CTDSPL2: variants seen among roughly 807,000 people sequenced by gnomAD.
CTDSPL2 encodes CTD small phosphatase like 2, also known as CTD small phosphatase-like protein 2.
Under a neutral mutation model 60.0 loss-of-function variants are expected in CTDSPL2, and 5 were observed. That is an observed-to-expected ratio of 0.08 (90% CI 0.04 to 0.18). The LOEUF (loss-of-function observed/expected upper bound fraction) is 0.18, where lower values mean the gene tolerates loss of function less well. CTDSPL2 is among the 10% of genes least tolerant of loss of function. The pLI is 1.00. For missense variants in CTDSPL2, 370 were observed against 548.8 expected (o/e 0.67, Z 3.26); for synonymous variants, 186 against 189.3 (o/e 0.98, Z 0.14).
At chr15:44,484,908 G>A (rs78744917) in intron 3 of CTDSPL2, among the ~76,000 whole-genome samples, 4,063 of 152,090 alleles carry the variant, frequency 0.027, 93 homozygotes, top group East Asian at 0.098. Context: ...AAATGTATGT[G>A]GATCAACATT....
chr15:44,457,678 C>G (rs554198039), intron 1 of CTDSPL2, among the ~76,000 whole-genome samples: 2 of 152,230 alleles, frequency 1.3e-5, no homozygotes, highest in South Asian at 2.1e-4. Context: ...ATAGTGTGAT[C>G]TCTCCTCAAT....
intron 2 of CTDSPL2, among the ~76,000 whole-genome samples, chr15:44,482,004 C>T (rs2453274): frequency 0.055 from 8,451 of 152,284 alleles, 401 homozygotes; most frequent in Non-Finnish European, 0.079. Context: ...TAACAGCAGC[C>T]CTGCTGGCTT....
chr15:44,444,564 T>A (rs1301068966), intron 1 of CTDSPL2, among the ~76,000 whole-genome samples: 1 of 151,890 alleles, frequency 6.6e-6, no homozygotes, highest in Non-Finnish European at 1.5e-5. Flanking sequence ...CAGGCTGGTC[T>A]TGAACTCCTG....
chr15:44,507,275 G>A (rs1054965281), intron 8 of CTDSPL2, among the ~76,000 whole-genome samples: 6 of 150,536 alleles, frequency 4.0e-5, no homozygotes, highest in Admixed American at 1.3e-4. Context: ...AGTAGAGATG[G>A]GGTTTCACCA....
At chr15:44,452,017 G>A (rs1327266162) in intron 1 of CTDSPL2, among the ~76,000 whole-genome samples, 1 of 152,110 alleles carries the variant, frequency 6.6e-6, no homozygotes, top group Admixed American at 6.6e-5. Flanking sequence ...AATCAGAAAT[G>A]TAGACTGAAA....
chr15:44,470,278 G>A (rs949285183), intron 2 of CTDSPL2, among the ~76,000 whole-genome samples: 8 of 151,346 alleles, frequency 5.3e-5, no homozygotes, highest in African/African-American at 9.8e-5. Flanking sequence ...ATTTATAAGC[G>A]TATGACTTGT....
At position 44,490,978 on chromosome 15, in the gene CTDSPL2, C is replaced by A. The variant is rs751260874; in HGVS notation, c.670C>A (p.Arg224Ser). ...AGAAGAAGCAGAAGAAACAGTTAAT[C>A]GTGATATCCCACCCCTTACAGGTGA... Reference protein sequence around the residue: ...GLEEAEETVNRDIPPLTAPVT... With the variant: ...GLEEAEETVNSDIPPLTAPVT... The change falls in exon 5 of 13, where the codon CGT becomes AGT. Residue 224 changes from arginine to serine, a missense_variant. Physicochemically the swap from Arg to Ser is moderately radical, Grantham distance 110. This residue lies in a region of CTDSPL2 where 287 missense variants were observed against 296.1 expected (regional missense o/e 0.97). Coordinates refer to ENST00000260327, the MANE Select transcript of CTDSPL2 (RefSeq NM_016396.3). 2.5e-6 allele frequency: 4 copies of A among 1,613,790 alleles called. No individual in the cohort carries two copies. The highest frequency in any genetic ancestry group is 3.4e-6 in the Non-Finnish European group (4 of 1,179,886).
At chr15:44,488,043 G>A (rs1204396066) in intron 4 of CTDSPL2, among the ~76,000 whole-genome samples, 1 of 151,506 alleles carries the variant, frequency 6.6e-6, no homozygotes, top group Admixed American at 6.6e-5. Context: ...CCAGGAGGCG[G>A]AGGCTGCAGT....
At chr15:44,468,441 T>G (rs2062310439) in intron 2 of CTDSPL2, among the ~76,000 whole-genome samples, 1 of 152,196 alleles carries the variant, frequency 6.6e-6, no homozygotes, top group African/African-American at 2.4e-5. Flanking sequence ...GGTTTATCAA[T>G]TTCATTATTC....
chr15:44,491,434 A>G (rs1176778916), intron 5 of CTDSPL2, among the ~76,000 whole-genome samples: 1 of 152,180 alleles, frequency 6.6e-6, no homozygotes, highest in Non-Finnish European at 1.5e-5. Context: ...ATCTCCCTAT[A>G]TACCTAAGTT....
At chr15:44,431,711 TGTTTG>T (rs1238580360) in intron 1 of CTDSPL2, among the ~76,000 whole-genome samples, 51 of 147,060 alleles carry the variant, frequency 3.5e-4, no homozygotes, top group Non-Finnish European at 1.3e-4. Flanking sequence ...TTTGTTTGTT[TGTTTG>T]TTTTTTTTTT....
At chr15:44,464,184 C>A (rs1238611857) in intron 2 of CTDSPL2, among the ~76,000 whole-genome samples, 1 of 152,138 alleles carries the variant, frequency 6.6e-6, no homozygotes, top group African/African-American at 2.4e-5. Flanking sequence ...ACAGCTCTTA[C>A]TTATGGTTAG....
chr15:44,445,322 G>A (rs1211516514), intron 1 of CTDSPL2, among the ~76,000 whole-genome samples: 1 of 151,850 alleles, frequency 6.6e-6, no homozygotes, highest in African/African-American at 2.4e-5. Flanking sequence ...CAAGTAGTTG[G>A]GACTATAGGC....
intron 2 of CTDSPL2, among the ~76,000 whole-genome samples, chr15:44,475,396 T>A (rs1405702136): frequency 6.6e-6 from 1 of 152,174 alleles, no homozygotes; most frequent in Non-Finnish European, 1.5e-5. Flanking sequence ...CCCAGCACTC[T>A]GGGAGGCCGA....
intron 3 of CTDSPL2, among the ~76,000 whole-genome samples, chr15:44,486,039 C>T (rs1441401584): frequency 3.3e-5 from 5 of 152,170 alleles, no homozygotes; most frequent in African/African-American, 9.7e-5. Flanking sequence ...TCTGAGATGG[C>T]GTCTCAGTGT....
chr15:44,511,918 G>A (rs1050428568), intron 8 of CTDSPL2, among the ~76,000 whole-genome samples: 4 of 148,806 alleles, frequency 2.7e-5, no homozygotes, highest in Non-Finnish European at 6.0e-5. Flanking sequence ...AGTCGGGTGT[G>A]ATGGGTCATG....
chr15:44,449,846 C>G (rs1006154182), intron 1 of CTDSPL2, among the ~76,000 whole-genome samples: 33 of 152,110 alleles, frequency 2.2e-4, no homozygotes, highest in African/African-American at 7.7e-4. Context: ...CGAAAATTTG[C>G]CAGGCATGGT....
chr15:44,450,920 A>C (rs2080323024), intron 1 of CTDSPL2, among the ~76,000 whole-genome samples: 3 of 152,092 alleles, frequency 2.0e-5, no homozygotes, highest in African/African-American at 7.2e-5. Context: ...TTTTTAAAAC[A>C]ACATTGGTAA....
At chr15:44,476,871 A>G (rs1374113186) in intron 2 of CTDSPL2, among the ~76,000 whole-genome samples, 2 of 152,214 alleles carry the variant, frequency 1.3e-5, no homozygotes, top group South Asian at 2.1e-4. Context: ...CTAAATCATA[A>G]TGAAGTTACA....
Sources: gnomAD v4.1 joint callset for allele counts (sites outside exome capture counted in the v4.1 genomes callset) on GRCh38, gnomAD v4.1.1 for gene constraint, gnomAD v4.1.1 regional missense constraint, MANE v1.5 for transcripts, NCBI Gene and HGNC (gene_info 2026-07-23, HGNC 2026-07-21) for gene names.